NRCAM: variants seen among roughly 807,000 people sequenced by gnomAD.
NRCAM encodes the protein NgCAM-related cell adhesion molecule.
NRCAM carries 83 observed loss-of-function variants against 156.5 expected under a neutral mutation model. The ratio of observed to expected loss-of-function variants is 0.53; its 90% confidence interval spans 0.44 to 0.64. The LOEUF (loss-of-function observed/expected upper bound fraction) is 0.64, where lower values mean the gene tolerates loss of function less well. NRCAM is among the 30% of genes least tolerant of loss of function. The probability of loss-of-function intolerance (pLI) is 0.00; values close to 1 mark genes in which losing one functional copy is unlikely to be tolerated. For synonymous variants in NRCAM, 538 were observed against 563.9 expected, an observed-to-expected ratio of 0.95 and a Z score of 0.65; for missense variants, 1,417 against 1,597.3, an observed-to-expected ratio of 0.89 and a Z score of 1.92.
At chr7:108,348,400 C>T (rs949930127) in intron 2 of NRCAM, among the ~76,000 whole-genome samples, 1 of 152,118 alleles carries the variant, frequency 6.6e-6, no homozygotes, top group Non-Finnish European at 1.5e-5. Context: ...AGAAATAAGC[C>T]TTATCTGCCA....
intron 10 of NRCAM, 108 bp from the exon 11 acceptor site, chr7:108,223,944 T>C: frequency 1.6e-6 from 1 of 635,806 alleles, no homozygotes; most frequent in Non-Finnish European, 2.8e-6. Context: ...TTAAGCTATT[T>C]AACATTAATT....
intron 1 of NRCAM, among the ~76,000 whole-genome samples, chr7:108,454,177 G>T (rs1853805777): frequency 6.6e-6 from 1 of 152,152 alleles, no homozygotes; most frequent in Admixed American, 6.6e-5. Flanking sequence ...GAGTTACATG[G>T]GAATAAAAGG....
At chr7:108,272,770 T>C (rs2097414828) in intron 3 of NRCAM, among the ~76,000 whole-genome samples, 1 of 152,150 alleles carries the variant, frequency 6.6e-6, no homozygotes, top group African/African-American at 2.4e-5. Flanking sequence ...ATTATTATTA[T>C]ACTTTAAGTT....
intron 3 of NRCAM, among the ~76,000 whole-genome samples, chr7:108,299,105 CAAAAAAA>C (rs1292917918): frequency 1.3e-3 from 22 of 16,944 alleles, no homozygotes; most frequent in African/African-American, 3.9e-3. Context: ...GACTCCATCT[CAAAAAAA>C]AAAAAGAAAG....
chr7:108,178,163 T>C, intron 25 of NRCAM, 51 bp from the exon 26 acceptor site: 2 of 1,579,566 alleles, frequency 1.3e-6, no homozygotes, highest in Non-Finnish European at 1.7e-6. Context: ...TGTTTCAACA[T>C]GTATTAAATT....
At chr7:108,210,868 T>A (rs2153595707) in intron 11 of NRCAM, among the ~76,000 whole-genome samples, 1 of 152,284 alleles carries the variant, frequency 6.6e-6, no homozygotes, top group East Asian at 1.9e-4. Context: ...ACAATATTTG[T>A]CAATAGAAAT....
intron 1 of NRCAM, among the ~76,000 whole-genome samples, chr7:108,439,730 A>G (rs1836375395): frequency 6.8e-6 from 1 of 146,468 alleles, no homozygotes; most frequent in Non-Finnish European, 1.5e-5. Flanking sequence ...GCTACTAGGG[A>G]GGCTGAGGCA....
In NRCAM at chr7:108,167,046, A is replaced by AAAG; in HGVS notation, c.3340_3341insCTT (p.Val1114delinsAlaLeu). On this transcript the variant is annotated protein_altering_variant, in exon 30 of 33. Coordinates refer to ENST00000379028, the MANE Select transcript of NRCAM (RefSeq NM_001037132.4). ...CCCAAAGAAGCTCCGAGAACCATTT[A>AAAG]CAATTTCTTTTCTCCATTCTTCTTT... 6.2e-7 allele frequency: 1 copy of AAAG among 1,613,790 alleles called. No homozygotes were observed. Among genetic ancestry groups the AAAG allele is most frequent in the Non-Finnish European group, 8.5e-7 (1 of 1,179,778 alleles).
chr7:108,277,790 G>C (rs775358622), intron 3 of NRCAM, among the ~76,000 whole-genome samples: 6 of 152,136 alleles, frequency 3.9e-5, no homozygotes, highest in Non-Finnish European at 7.4e-5. Context: ...CTGGTAAGGA[G>C]TTATGTTCCT....
At chr7:108,219,310 T>C (rs2091204187) in intron 11 of NRCAM, among the ~76,000 whole-genome samples, 1 of 152,106 alleles carries the variant, frequency 6.6e-6, no homozygotes, top group South Asian at 2.1e-4. Context: ...CTTTTGACAC[T>C]ATTCCACCAG....
At chr7:108,424,952 A>G (rs573328509) in intron 1 of NRCAM, among the ~76,000 whole-genome samples, 1 of 152,302 alleles carries the variant, frequency 6.6e-6, no homozygotes, top group South Asian at 2.1e-4. Flanking sequence ...AATTATTTGC[A>G]TGATTATTTT....
In NRCAM at chr7:108,240,133, C is replaced by A; in HGVS notation, c.-69G>T. On this transcript the variant is annotated 5_prime_UTR_variant, in exon 4 of 33. Transcript: ENST00000379028. ...TTCTTTCACAAAAGATTTTGTGAAACGTTGTGTGCAACGTTTAAGTAATTT... is the reference window on the plus strand; with the variant it reads ...TTCTTTCACAAAAGATTTTGTGAAAAGTTGTGTGCAACGTTTAAGTAATTT... The A allele has an allele frequency of 9.3e-7, 1 of 1,077,252 alleles. No individual in the cohort carries two copies. Among genetic ancestry groups the A allele is most frequent in the Non-Finnish European group, 1.4e-6 (1 of 705,954 alleles). 66.7% of individuals were successfully genotyped at this position (1,077,252 alleles called of 1,614,324 possible).
At chr7:108,422,924 GCCC>G (rs1259035340) in intron 1 of NRCAM, among the ~76,000 whole-genome samples, 1 of 152,090 alleles carries the variant, frequency 6.6e-6, no homozygotes, top group East Asian at 1.9e-4. Context: ...TCTCATTTCA[GCCC>G]CCCATCTTAG....
intron 3 of NRCAM, among the ~76,000 whole-genome samples, chr7:108,305,497 G>A (rs2098702337): frequency 6.6e-6 from 1 of 151,988 alleles, no homozygotes; most frequent in Non-Finnish European, 1.5e-5. Flanking sequence ...TGTGCTTTTT[G>A]ACAAAAGTAA....
rs2076045368 is a variant in NRCAM at position 108,198,022 on chromosome 7, C to T, written c.1285G>A (p.Val429Ile). ...FSNVQERSSA[V>I]YQCNASNEYG... is the part of the protein sequence containing the mutation. Reference sequence around the variant, plus strand: ...TCATTAGAGGCATTGCACTGATAGACTGCACTTGATCTTTCTTGAACATTT... The same window carrying T: ...TCATTAGAGGCATTGCACTGATAGATTGCACTTGATCTTTCTTGAACATTT... Residue 429 changes from valine to isoleucine, a missense_variant, in exon 14 of 33, where the codon GTC (valine) becomes ATC (isoleucine). Physicochemically the swap from Val to Ile is conservative, Grantham distance 29. Transcript: ENST00000379028. 1.3e-6 allele frequency: 2 copies of T among 1,597,584 alleles called. No homozygotes were observed. Among genetic ancestry groups the T allele is most frequent in the Non-Finnish European group, 1.7e-6 (2 of 1,171,050 alleles).
intron 3 of NRCAM, among the ~76,000 whole-genome samples, chr7:108,297,738 A>C (rs1332938564): frequency 6.6e-6 from 1 of 152,244 alleles, no homozygotes; most frequent in African/African-American, 2.4e-5. Flanking sequence ...GAGAAAAAAA[A>C]TAAAACAAAG....
chr7:108,381,294 G>C (rs2099699906), intron 2 of NRCAM, among the ~76,000 whole-genome samples: 1 of 151,980 alleles, frequency 6.6e-6, no homozygotes, highest in Admixed American at 6.6e-5. Context: ...TTAAACTCAA[G>C]GGAAGAAAAT....
chr7:108,186,060 A>G (rs1370425316), intron 20 of NRCAM, among the ~76,000 whole-genome samples: 1 of 152,210 alleles, frequency 6.6e-6, no homozygotes, highest in Non-Finnish European at 1.5e-5. Context: ...TACACACTTT[A>G]CCCTTGTAAA....
At chr7:108,419,357 T>C (rs536595356) in intron 1 of NRCAM, among the ~76,000 whole-genome samples, 1 of 152,330 alleles carries the variant, frequency 6.6e-6, no homozygotes, top group South Asian at 2.1e-4. Context: ...TATTTCTTAC[T>C]TCACAGGGAA....
Sources: gnomAD v4.1 joint callset for allele counts (sites outside exome capture counted in the v4.1 genomes callset) on GRCh38, gnomAD v4.1.1 for gene constraint, MANE v1.5 for transcripts, NCBI Gene and HGNC (gene_info 2026-07-23, HGNC 2026-07-21) for gene names.